The following PDE10A variants were observed in gnomAD, a reference collection of about 807,000 sequenced individuals.
PDE10A encodes cAMP and cAMP-inhibited cGMP 3',5'-cyclic phosphodiesterase 10A.
In PDE10A, 39 loss-of-function variants were observed where a neutral mutation model predicts 97.7. The observed-to-expected ratio is 0.40, with a 90% CI of 0.31 to 0.52. PDE10A has a LOEUF of 0.52. PDE10A is among the 20% of genes least tolerant of loss of function. The pLI, the probability that PDE10A is intolerant of heterozygous loss-of-function variation, is 0.56. For synonymous variants in PDE10A, 371 were observed against 376.8 expected (o/e 0.98, Z 0.18); for missense variants, 731 against 1,047.8 (o/e 0.70, Z 4.17).
chr6:165,543,688 C>T lies in PDE10A; in HGVS notation c.866-120G>A, dbSNP rs1019432402. The T allele has an allele frequency of 1.5e-5, 11 of 714,524 alleles. No homozygotes were observed. In the African/African-American group the frequency reaches 2.0e-4, roughly 13 times the overall value. 44.3% of individuals were successfully genotyped at this position (714,524 alleles called of 1,614,324 possible). On this transcript the variant is annotated intron_variant, in intron 1 of 21. Transcript: ENST00000539869. ...AACCTCTCATCTAACGGAGAGAGGG[C>T]TGGAAAGAGCGGGAAGGGGAAGCTA...
intron 1 of PDE10A, chr6:165,986,513 GTC>G (rs55892857): frequency 0.51 from 73,878 of 145,746 alleles, 18,553 homozygotes; most frequent in East Asian, 0.68. Flanking sequence ...CTCTCTCTCT[GTC>G]TCTCTCTCTC....
At chr6:165,865,770 C>G (rs1344863698) in intron 1 of PDE10A, among the ~76,000 whole-genome samples, 4 of 151,882 alleles carry the variant, frequency 2.6e-5, no homozygotes, top group Non-Finnish European at 5.9e-5. Context: ...AGAAGAAAGT[C>G]TATGTGCTAT....
chr6:165,980,351 A>C (rs145485584), intron 1 of PDE10A, among the ~76,000 whole-genome samples: 1 of 152,014 alleles, frequency 6.6e-6, no homozygotes, highest in Non-Finnish European at 1.5e-5. Context: ...CAACATATAC[A>C]TGTATACATG....
chr6:165,863,848 T>G (rs1780970967), intron 1 of PDE10A, among the ~76,000 whole-genome samples: 1 of 152,194 alleles, frequency 6.6e-6, no homozygotes. Flanking sequence ...AGATAAACTT[T>G]CTTGAAATGT....
intron 3 of PDE10A, among the ~76,000 whole-genome samples, chr6:165,464,450 C>T (rs1436273778): frequency 2.6e-5 from 4 of 152,150 alleles, no homozygotes; most frequent in Non-Finnish European, 4.4e-5. Flanking sequence ...CTAGAATACA[C>T]AGAGGTAGTT....
chr6:165,727,563 G>A (rs1185300429), intron 1 of PDE10A, among the ~76,000 whole-genome samples: 1 of 152,200 alleles, frequency 6.6e-6, no homozygotes, highest in Non-Finnish European at 1.5e-5. Context: ...AGGCCTCAGG[G>A]AGTGCACCAG....
chr6:165,855,489 G>A (rs1045277996), intron 1 of PDE10A, among the ~76,000 whole-genome samples: 30 of 151,430 alleles, frequency 2.0e-4, no homozygotes, highest in African/African-American at 7.0e-4. Context: ...GTCATTGGCC[G>A]CCTCTTCTGC....
chr6:165,519,322 GAGTT>G (rs879765487), intron 2 of PDE10A, among the ~76,000 whole-genome samples: 10 of 151,966 alleles, frequency 6.6e-5, no homozygotes, highest in Non-Finnish European at 1.5e-4. Flanking sequence ...AAATCTAAAA[GAGTT>G]AGAATCTTAG....
chr6:165,719,132 A>G (rs1792100385), intron 1 of PDE10A, among the ~76,000 whole-genome samples: 1 of 152,188 alleles, frequency 6.6e-6, no homozygotes, highest in Admixed American at 6.5e-5. Context: ...AGAAAAAATA[A>G]GAAACTTTGA....
chr6:165,821,831 C>G (rs2128469279), intron 1 of PDE10A, among the ~76,000 whole-genome samples: 1 of 152,306 alleles, frequency 6.6e-6, no homozygotes, highest in Middle Eastern at 3.4e-3. Flanking sequence ...GTATGAGCCA[C>G]CATGCTCGGC....
chr6:165,694,209 C>T (rs945022232), intron 1 of PDE10A, among the ~76,000 whole-genome samples: 2 of 152,200 alleles, frequency 1.3e-5, no homozygotes, highest in Non-Finnish European at 2.9e-5. Context: ...GACAAATTTA[C>T]AAAATCAAAG....
intron 1 of PDE10A, among the ~76,000 whole-genome samples, chr6:165,820,150 C>A (rs573069954): frequency 6.6e-6 from 1 of 152,264 alleles, no homozygotes; most frequent in African/African-American, 2.4e-5. Context: ...TGATTTGAAT[C>A]CATAAATGTT....
intron 1 of PDE10A, among the ~76,000 whole-genome samples, chr6:165,923,974 G>A (rs1782840208): frequency 2.0e-5 from 3 of 152,140 alleles, no homozygotes; most frequent in Admixed American, 2.0e-4. Flanking sequence ...GGAGGCCAGG[G>A]ATTCAAGACC....
At chr6:165,723,739 C>T (rs1442636140) in intron 1 of PDE10A, among the ~76,000 whole-genome samples, 1 of 152,192 alleles carries the variant, frequency 6.6e-6, no homozygotes, top group Non-Finnish European at 1.5e-5. Context: ...TCATTTTTAG[C>T]TCTGTTTACG....
chr6:165,701,418 G>A (rs1163225471), intron 1 of PDE10A, among the ~76,000 whole-genome samples: 1 of 152,208 alleles, frequency 6.6e-6, no homozygotes, highest in African/African-American at 2.4e-5. Context: ...AGTAGCACAT[G>A]CTTGGACCGG....
chr6:165,521,702 A>G (rs1174187659), intron 2 of PDE10A, among the ~76,000 whole-genome samples: 1 of 152,166 alleles, frequency 6.6e-6, no homozygotes, highest in Admixed American at 6.6e-5. Flanking sequence ...GTCATGAGGA[A>G]GCTGCAAAAG....
chr6:165,497,704 A>T (rs951515681), intron 2 of PDE10A, among the ~76,000 whole-genome samples: 2 of 152,220 alleles, frequency 1.3e-5, no homozygotes, highest in African/African-American at 2.4e-5. Flanking sequence ...CCAGGAGCAA[A>T]TGCAACCAAC....
intron 15 of PDE10A, among the ~76,000 whole-genome samples, chr6:165,394,727 C>G (rs1431626986): frequency 6.6e-6 from 1 of 152,186 alleles, no homozygotes; most frequent in Non-Finnish European, 1.5e-5. Context: ...TCTCCAGCAT[C>G]TGTTGTTTCC....
At chr6:165,790,775 G>A (rs1028832477) in intron 1 of PDE10A, among the ~76,000 whole-genome samples, 2 of 152,148 alleles carry the variant, frequency 1.3e-5, no homozygotes, top group African/African-American at 4.8e-5. Context: ...AAAGTGTGTG[G>A]ATTGAGCACA....
Sources: gnomAD v4.1 joint callset for allele counts (sites outside exome capture counted in the v4.1 genomes callset) on GRCh38, gnomAD v4.1.1 for gene constraint, MANE v1.5 for transcripts, NCBI Gene and HGNC (gene_info 2026-07-23, HGNC 2026-07-21) for gene names.